Variants in PLXNA4 observed in about 807,000 individuals in gnomAD.
PLXNA4 encodes the protein plexin A4, also known as plexin-A4.
In PLXNA4, 44 loss-of-function variants were observed where a neutral mutation model predicts 191.8. That is an observed-to-expected ratio of 0.23 (90% CI 0.18 to 0.29). The LOEUF (loss-of-function observed/expected upper bound fraction) is 0.29. Ranked by LOEUF, PLXNA4 falls within the 10% of genes least tolerant of loss-of-function variation. The probability of loss-of-function intolerance (pLI) is 1.00; values close to 1 mark genes in which losing one functional copy is unlikely to be tolerated. For synonymous variants in PLXNA4, 1,082 were observed against 1,009.5 expected (o/e 1.07, Z -1.36); for missense variants, 1,800 against 2,488.8 (o/e 0.72, Z 5.89).
intron 17 of PLXNA4, 142 bp from the exon 18 acceptor site, chr7:132,181,762 T>C: frequency 7.0e-7 from 1 of 1,432,510 alleles, no homozygotes; most frequent in Non-Finnish European, 9.2e-7. Context: ...GCCACACAAT[T>C]GGGCACTCAA....
At chr7:132,484,987 T>A in intron 3 of PLXNA4, 1 of 1,614,038 alleles carries the variant, frequency 6.2e-7, no homozygotes, top group South Asian at 1.1e-5. Context: ...CCTGGGTGAT[T>A]CCCCCTTGTG....
chr7:132,437,068 A>G (rs1175193583), intron 3 of PLXNA4, among the ~76,000 whole-genome samples: 1 of 152,152 alleles, frequency 6.6e-6, no homozygotes, highest in Non-Finnish European at 1.5e-5. Flanking sequence ...TGGCCCCAAA[A>G]CACGGATGGG....
At chr7:132,261,325 T>C (rs886110983) in intron 4 of PLXNA4, among the ~76,000 whole-genome samples, 1 of 152,174 alleles carries the variant, frequency 6.6e-6, no homozygotes, top group East Asian at 1.9e-4. Flanking sequence ...TCAGTAAAAT[T>C]TGGCAACGGA....
At chr7:132,325,233 C>T (rs1263740088) in intron 3 of PLXNA4, among the ~76,000 whole-genome samples, 1 of 152,166 alleles carries the variant, frequency 6.6e-6, no homozygotes. Context: ...GGGGTGTGAA[C>T]GAGGTTGCCT....
rs975681143 is a variant in PLXNA4, at chr7:132,129,048, T to C, written c.*1431A>G. On this transcript the variant is annotated 3_prime_UTR_variant, in exon 32 of 32. Transcript: ENST00000321063. ...TTGCCTGCCTGGCTAAAATCGTGCATCTGTAGATGTAAGAACAGATGGGGA... is the reference window on the plus strand; with the variant it reads ...TTGCCTGCCTGGCTAAAATCGTGCACCTGTAGATGTAAGAACAGATGGGGA... 1 of 152,234 alleles carries C rather than the reference T, an allele frequency of 6.6e-6. No individual in the cohort carries two copies. The highest frequency in any genetic ancestry group is 1.5e-5 in the Non-Finnish European group (1 of 68,050). The allele number at this position is 152,234 out of a possible 1,614,324, so 9.4% of individuals were successfully genotyped here.
intron 3 of PLXNA4, among the ~76,000 whole-genome samples, chr7:132,326,457 C>T (rs1249974703): frequency 2.0e-5 from 3 of 152,154 alleles, no homozygotes; most frequent in African/African-American, 7.2e-5. Context: ...GCCCTTGGTG[C>T]TCCCGTGGCC....
intron 2 of PLXNA4, among the ~76,000 whole-genome samples, chr7:132,494,389 C>T (rs1028892530): frequency 6.6e-6 from 1 of 152,208 alleles, no homozygotes; most frequent in Non-Finnish European, 1.5e-5. Flanking sequence ...CATCTTCACA[C>T]CTCTCCAGGT....
rs184943912 is a variant in PLXNA4 at position 132,309,773 on chromosome 7, C to A, written c.1372-11551G>T. Among the ~76,000 whole-genome samples the A allele has an allele frequency of 2.0e-5, 3 of 152,274 alleles. No individual in the cohort carries two copies. The East Asian group carries it at 5.8e-4, about 29-fold the overall frequency. On this transcript the variant is annotated intron_variant, in intron 3 of 31. Transcript: ENST00000321063. ...AGAAGTAGAGAGAAACCCGGGAATC[C>A]AGGGACTCCTGTGTGAGCTGCTACC...
intron 3 of PLXNA4, among the ~76,000 whole-genome samples, chr7:132,370,299 T>G (rs905364573): frequency 6.6e-5 from 10 of 152,136 alleles, no homozygotes; most frequent in Non-Finnish European, 1.3e-4. Flanking sequence ...GATGCCACCC[T>G]GGCATGAGAT....
chr7:132,333,840 C>T (rs1250608363), intron 3 of PLXNA4, among the ~76,000 whole-genome samples: 2 of 152,210 alleles, frequency 1.3e-5, no homozygotes, highest in South Asian at 2.1e-4. Flanking sequence ...GCCAGCAACG[C>T]TTTTGAGCGG....
At chr7:132,222,053 G>T (rs1453729574) in intron 9 of PLXNA4, among the ~76,000 whole-genome samples, 1 of 152,210 alleles carries the variant, frequency 6.6e-6, no homozygotes, top group Non-Finnish European at 1.5e-5. Flanking sequence ...CTTAATGAAG[G>T]TTTTCAAATT....
Position 132,123,538 on chromosome 7 carries a change from T to TTAA in PLXNA4, c.*6938_*6940dup. ...CACAGGTTTCCTTTTTAAAAACTTTTTAATTTTTTTTTAATATTTTACTAG... is the reference window on the plus strand; with the variant it reads ...CACAGGTTTCCTTTTTAAAAACTTTTTAATAATTTTTTTTTAATATTTTACTAG... On this transcript the variant is annotated 3_prime_UTR_variant, in exon 32 of 32. Coordinates refer to ENST00000321063, the MANE Select transcript of PLXNA4 (RefSeq NM_020911.2). 1 of 151,340 alleles carries TTAA rather than the reference T, an allele frequency of 6.6e-6. No homozygotes were observed. Among genetic ancestry groups the TTAA allele is most frequent in the Middle Eastern group, 3.4e-3 (1 of 294 alleles). The allele number at this position is 151,340 out of a possible 1,614,324, so 9.4% of individuals were successfully genotyped here. A position where few individuals can be genotyped will look rare whatever the true frequency, so the allele number is the denominator to read the frequency against.
chr7:132,364,675 C>A (rs1863016), intron 3 of PLXNA4, among the ~76,000 whole-genome samples: 68,254 of 152,020 alleles, frequency 0.45, 17,903 homozygotes, highest in African/African-American at 0.73. Context: ...TATCACCAAA[C>A]ATACCCATTC....
chr7:132,519,740 C>A (rs1200022827), intron 1 of PLXNA4, among the ~76,000 whole-genome samples: 4 of 152,222 alleles, frequency 2.6e-5, no homozygotes, highest in Non-Finnish European at 5.9e-5. Context: ...TGGCTCACAG[C>A]CAGTCATGCA....
chr7:132,304,948 G>A (rs1218351515), intron 3 of PLXNA4, among the ~76,000 whole-genome samples: 4 of 152,234 alleles, frequency 2.6e-5, no homozygotes. Flanking sequence ...GAATGCTGCT[G>A]CATGGGCCTC....
At chr7:132,557,529 C>T (rs1188516933) in intron 1 of PLXNA4, among the ~76,000 whole-genome samples, 2 of 114,536 alleles carry the variant, frequency 1.7e-5, no homozygotes, top group Non-Finnish European at 4.1e-5. Context: ...CTTGAATTTT[C>T]CTTTAATTTA....
intron 3 of PLXNA4, among the ~76,000 whole-genome samples, chr7:132,423,668 A>G (rs913777606): frequency 3.3e-5 from 5 of 152,138 alleles, no homozygotes; most frequent in African/African-American, 1.2e-4. Flanking sequence ...TCCCTTCCAC[A>G]ACAGCACAGG....
At chr7:132,642,354 T>C (rs1803760473) in intron 2 of PLXNA4, among the ~76,000 whole-genome samples, 1 of 152,116 alleles carries the variant, frequency 6.6e-6, no homozygotes, top group Admixed American at 6.6e-5. Flanking sequence ...CCTAACAGCA[T>C]ACAAACCTTA....
chr7:132,345,202 T>C (rs1018329317), intron 3 of PLXNA4, among the ~76,000 whole-genome samples: 2 of 152,216 alleles, frequency 1.3e-5, no homozygotes, highest in African/African-American at 2.4e-5. Flanking sequence ...CTGGTTACTT[T>C]GGCAAACATT....
Sources: allele counts gnomAD v4.1 joint callset (sites outside exome capture counted in the v4.1 genomes callset), GRCh38; gene constraint gnomAD v4.1.1; transcripts MANE v1.5; gene names NCBI Gene and HGNC (gene_info 2026-07-23, HGNC 2026-07-21).